The following CGGBP1 variants were observed in gnomAD, a reference collection of about 807,000 sequenced individuals.
The protein encoded by CGGBP1 is CGG triplet repeat-binding protein 1.
In CGGBP1, 4 loss-of-function variants were observed where a neutral mutation model predicts 11.4. The observed-to-expected ratio is 0.35, with a 90% CI of 0.17 to 0.80. The LOEUF (loss-of-function observed/expected upper bound fraction) is 0.80, where lower values mean the gene tolerates loss of function less well. Among genes scored for constraint, CGGBP1 ranks in the 30% least tolerant of loss-of-function variants. The pLI is 0.52. For missense variants in CGGBP1, 135 were observed against 202.1 expected (o/e 0.67, Z 2.01); for synonymous variants, 76 against 74.1 (o/e 1.03, Z -0.13).
chr3:88,128,207 A>T (rs1192954042), intron 2 of CGGBP1, among the ~76,000 whole-genome samples: 1 of 152,134 alleles, frequency 6.6e-6, no homozygotes, highest in Non-Finnish European at 1.5e-5. Context: ...TATATATTTT[A>T]AAATTGTGTA....
At position 88,100,780 on chromosome 3, in the gene CGGBP1, A is replaced by T. The variant is rs1704370098; in HGVS notation, c.-229+40190T>A. On this transcript the variant is annotated intron_variant, in intron 2 of 3. Coordinates refer to the CGGBP1 transcript ENST00000462901. ...AACAATGAGAACACTTGGACACAGG[A>T]AGGGGAACATCACACAGCGGGGCCT... Among the ~76,000 whole-genome samples, 3 of 152,188 alleles carry T rather than the reference A, an allele frequency of 2.0e-5. No individual in the cohort carries two copies. The South Asian group carries it at 6.2e-4, about 32-fold the overall frequency.
chr3:88,072,837 C>T (rs1707593252), intron 2 of CGGBP1, among the ~76,000 whole-genome samples: 1 of 152,078 alleles, frequency 6.6e-6, no homozygotes, highest in Admixed American at 6.6e-5. Flanking sequence ...TAAATAAACC[C>T]TAAAATAGGG....
At chr3:88,143,498 G>A (rs80023255) in intron 1 of CGGBP1, 2 of 152,184 alleles carry the variant, frequency 1.3e-5, no homozygotes, top group Non-Finnish European at 3.0e-5. Context: ...TAAAAAGTCT[G>A]TTTGGAAACT....
intron 2 of CGGBP1, among the ~76,000 whole-genome samples, chr3:88,072,687 A>C (rs1257016880): frequency 6.6e-6 from 1 of 152,084 alleles, no homozygotes; most frequent in Non-Finnish European, 1.5e-5. Context: ...CCTGTGTTTT[A>C]TTAATATTAT....
At chr3:88,106,988 C>G (rs1362808937) in intron 2 of CGGBP1, among the ~76,000 whole-genome samples, 1 of 152,130 alleles carries the variant, frequency 6.6e-6, no homozygotes, top group Admixed American at 6.5e-5. Context: ...CGTGTGCCAA[C>G]ACAATGTTGA....
At chr3:88,141,240 C>G (rs1707111422) in intron 1 of CGGBP1, among the ~76,000 whole-genome samples, 1 of 152,060 alleles carries the variant, frequency 6.6e-6, no homozygotes, top group East Asian at 1.9e-4. Context: ...TTTTATAGAT[C>G]AAGCAACTGA....
chr3:88,060,850 A>G (rs1339063055), upstream of CGGBP1, among the ~76,000 whole-genome samples: 1 of 152,140 alleles, frequency 6.6e-6, no homozygotes, highest in Non-Finnish European at 1.5e-5. Flanking sequence ...AAGCATTGAA[A>G]GAAAAAGGAT....
rs368366705 is a variant in CGGBP1, at chr3:88,098,501, T to C, written c.-228-40278A>G. ...TTTTATGAGGCCAGCATCATCCTGA[T>C]ACTAAAGCCTGGCAGAGACACAACA... is the stretch of plus-strand genomic sequence containing the variant. On this transcript the variant is annotated intron_variant, in intron 2 of 3. Transcript: ENST00000462901. Among the ~76,000 whole-genome samples the C allele has an allele frequency of 3.9e-5, 6 of 152,280 alleles. No homozygotes were observed. The South Asian group carries it at 1.0e-3, about 26-fold the overall frequency.
chr3:88,091,774 T>G (rs979592676), intron 2 of CGGBP1, among the ~76,000 whole-genome samples: 4 of 152,210 alleles, frequency 2.6e-5, no homozygotes, highest in Non-Finnish European at 5.9e-5. Context: ...CCCCTGCACA[T>G]GCTCTCTTGC....
At chr3:88,100,847 T>G (rs1210674167) in intron 2 of CGGBP1, among the ~76,000 whole-genome samples, 1 of 152,098 alleles carries the variant, frequency 6.6e-6, no homozygotes, top group African/African-American at 2.4e-5. Flanking sequence ...CATCAGGAGA[T>G]ATACCTAATG....
At chr3:88,144,371 G>T (rs1453809017) in intron 1 of CGGBP1, 2 of 152,326 alleles carry the variant, frequency 1.3e-5, no homozygotes, top group Non-Finnish European at 2.9e-5. Context: ...ACCTAAAAGG[G>T]ATGATAGTGT....
In CGGBP1 at chr3:88,148,248, T is replaced by C. The variant is rs60873185; in HGVS notation, c.-338+1463A>G. 3.0e-3 allele frequency among the ~76,000 whole-genome samples: 463 copies of C among 152,370 alleles called. 3 individuals are homozygous for C. Among genetic ancestry groups the C allele is most frequent in the African/African-American group, 0.011 (445 of 41,596 alleles). On this transcript the variant is annotated intron_variant, in intron 1 of 3. Transcript: ENST00000462901. ...ACTATATAGTTTCTTACATGTTTACTGTCTATTTCCTCCCAACAAAATGCA... is the reference window on the plus strand; with the variant it reads ...ACTATATAGTTTCTTACATGTTTACCGTCTATTTCCTCCCAACAAAATGCA...
At chr3:88,062,519 T>C (rs1307072375), upstream of CGGBP1, among the ~76,000 whole-genome samples, 3 of 152,234 alleles carry the variant, frequency 2.0e-5, no homozygotes, top group African/African-American at 7.2e-5. Flanking sequence ...CAGACTGTTA[T>C]TGTCTGACTT....
chr3:88,059,258 C>A, upstream of CGGBP1: 1 of 1,530,894 alleles, frequency 6.5e-7, no homozygotes, highest in Non-Finnish European at 8.7e-7. Flanking sequence ...GGAGGTTAGC[C>A]TAGGCATCTA....
chr3:88,142,444 A>C (rs1441550937), intron 1 of CGGBP1: 1 of 152,426 alleles, frequency 6.6e-6, no homozygotes, highest in Non-Finnish European at 1.5e-5. Flanking sequence ...GATGAAAGGA[A>C]TCTAAGACTT....
At chr3:88,071,884 TTCTC>T (rs1707536054) in intron 2 of CGGBP1, among the ~76,000 whole-genome samples, 1 of 152,226 alleles carries the variant, frequency 6.6e-6, no homozygotes, top group South Asian at 2.1e-4. Context: ...ACTTTTTATC[TTCTC>T]TCTTATATTT....
chr3:88,114,298 C>T (rs1432659749), intron 2 of CGGBP1, among the ~76,000 whole-genome samples: 1 of 152,014 alleles, frequency 6.6e-6, no homozygotes, highest in Non-Finnish European at 1.5e-5. Context: ...AAAGAAATAC[C>T]TCATAGAGAT....
chr3:88,139,638 C>T (rs1706996631), intron 2 of CGGBP1: 2 of 1,612,932 alleles, frequency 1.2e-6, no homozygotes, highest in Admixed American at 1.7e-5. Context: ...CATCCCTGAG[C>T]ATGTGGCTGA....
At chr3:88,079,805 T>A (rs1439454083) in intron 2 of CGGBP1, among the ~76,000 whole-genome samples, 2 of 152,112 alleles carry the variant, frequency 1.3e-5, no homozygotes, top group African/African-American at 4.8e-5. Flanking sequence ...TGTATAAATA[T>A]CAACTTTTAA....
Sources: allele counts gnomAD v4.1 joint callset (sites outside exome capture counted in the v4.1 genomes callset), GRCh38; gene constraint gnomAD v4.1.1; transcripts MANE v1.5; gene names NCBI Gene and HGNC (gene_info 2026-07-23, HGNC 2026-07-21).